MAML2: variants seen among roughly 807,000 people sequenced by gnomAD.
MAML2 encodes the protein mastermind-like protein 2.
A neutral mutation model predicts 96.1 loss-of-function variants in MAML2; 22 were observed. That is an observed-to-expected ratio of 0.23 (90% CI 0.16 to 0.33). The LOEUF is 0.33. Among genes scored for constraint, MAML2 ranks in the 10% least tolerant of loss-of-function variants. MAML2 has a pLI of 1.00. For synonymous variants in MAML2, 561 were observed against 521.3 expected (o/e 1.08, Z -1.04); for missense variants, 1,367 against 1,392.4 (o/e 0.98, Z 0.29).
At chr11:96,269,132 A>G (rs1862874592) in intron 1 of MAML2, among the ~76,000 whole-genome samples, 1 of 144,942 alleles carries the variant, frequency 6.9e-6, no homozygotes, top group African/African-American at 2.6e-5. Flanking sequence ...GGAATCAAAT[A>G]TGCACAGACT....
chr11:96,047,588 T>C (rs1404357809), intron 2 of MAML2, among the ~76,000 whole-genome samples: 2 of 151,968 alleles, frequency 1.3e-5, no homozygotes, highest in Non-Finnish European at 2.9e-5. Flanking sequence ...ATAATCTCCA[T>C]CAAGTATTAG....
intron 1 of MAML2, among the ~76,000 whole-genome samples, chr11:96,207,814 C>T (rs1477049539): frequency 1.3e-5 from 2 of 152,234 alleles, no homozygotes; most frequent in Non-Finnish European, 2.9e-5. Context: ...CAAGGCTTTA[C>T]TGTTTTTAAG....
rs371672772 is a variant in MAML2, at chr11:96,077,219, C to CTTTTTTTTT, written c.2139+14664_2139+14672dup. On this transcript the variant is annotated intron_variant, in intron 2 of 4. Coordinates refer to ENST00000524717, the MANE Select transcript of MAML2 (RefSeq NM_032427.4). Reference sequence around the variant, plus strand: ...GACTTTTTACCCCAACTCTCTCTCTCTTTTTTTTTTTTTTTTTTTTAAAGA... The same window carrying CTTTTTTTTT: ...GACTTTTTACCCCAACTCTCTCTCTCTTTTTTTTTTTTTTTTTTTTTTTTTTTTTAAAGA... 2.8e-3 allele frequency among the ~76,000 whole-genome samples: 266 copies of CTTTTTTTTT among 94,122 alleles called. 11 individuals carry two copies. Among genetic ancestry groups the CTTTTTTTTT allele is most frequent in the African/African-American group, 0.011 (245 of 22,830 alleles). The allele number at this position is 94,122 out of a possible 152,430, so 61.7% of individuals were successfully genotyped here.
At chr11:96,017,328 C>T (rs1014425639) in intron 2 of MAML2, among the ~76,000 whole-genome samples, 5 of 152,106 alleles carry the variant, frequency 3.3e-5, no homozygotes, top group Admixed American at 2.6e-4. Flanking sequence ...TCTTAAAAAC[C>T]AAAGCACACT....
chr11:96,223,258 C>A (rs1013939092), intron 1 of MAML2, among the ~76,000 whole-genome samples: 2 of 152,096 alleles, frequency 1.3e-5, no homozygotes, highest in African/African-American at 4.8e-5. Context: ...TTTTATTACT[C>A]ATGGAAACAT....
intron 1 of MAML2, among the ~76,000 whole-genome samples, chr11:96,156,041 A>G (rs1861006457): frequency 6.6e-6 from 1 of 152,110 alleles, no homozygotes; most frequent in Non-Finnish European, 1.5e-5. Flanking sequence ...ACTGGTTCCT[A>G]TTTCCAGCTC....
intron 1 of MAML2, among the ~76,000 whole-genome samples, chr11:96,304,013 T>G (rs1053815384): frequency 6.6e-6 from 1 of 152,216 alleles, no homozygotes; most frequent in Non-Finnish European, 1.5e-5. Context: ...AGAGTGGCCC[T>G]CAATCTTTAT....
chr11:96,286,799 T>C (rs567541205), intron 1 of MAML2, among the ~76,000 whole-genome samples: 1 of 152,254 alleles, frequency 6.6e-6, no homozygotes, highest in African/African-American at 2.4e-5. Context: ...CATATAAGCT[T>C]CCTCATCTAA....
intron 1 of MAML2, among the ~76,000 whole-genome samples, chr11:96,135,607 TAACTGAATGAAACAA>T (rs1357157106): frequency 6.6e-6 from 1 of 151,198 alleles, no homozygotes. Flanking sequence ...TGGAAATAGA[TAACTGAATGAAACAA>T]AACTGAATAA....
chr11:96,252,028 A>G (rs966906298), intron 1 of MAML2, among the ~76,000 whole-genome samples: 63 of 152,202 alleles, frequency 4.1e-4, no homozygotes, highest in African/African-American at 1.5e-3. Flanking sequence ...CACCGCGCCC[A>G]GTCAATACAA....
intron 2 of MAML2, among the ~76,000 whole-genome samples, chr11:96,034,585 T>C (rs1419696549): frequency 2.0e-5 from 3 of 152,244 alleles, no homozygotes; most frequent in African/African-American, 7.2e-5. Flanking sequence ...CAAAAAAATT[T>C]TGTGGAAGTA....
intron 1 of MAML2, among the ~76,000 whole-genome samples, chr11:96,121,839 T>G (rs1860349280): frequency 7.6e-6 from 1 of 132,066 alleles, no homozygotes; most frequent in Non-Finnish European, 1.6e-5. Flanking sequence ...CAGGCTGGGG[T>G]GCAGTGGCGC....
At chr11:96,211,671 T>G (rs1404900362) in intron 1 of MAML2, among the ~76,000 whole-genome samples, 1 of 152,132 alleles carries the variant, frequency 6.6e-6, no homozygotes. Context: ...TGTGACAAGT[T>G]TATTGTAAAT....
At chr11:96,148,802 T>C (rs762382333) in intron 1 of MAML2, among the ~76,000 whole-genome samples, 1 of 151,930 alleles carries the variant, frequency 6.6e-6, no homozygotes, top group Non-Finnish European at 1.5e-5. Context: ...GATTAGATGA[T>C]CTCATAAAGT....
intron 2 of MAML2, among the ~76,000 whole-genome samples, chr11:96,019,222 C>T (rs979084300): frequency 2.0e-5 from 3 of 151,812 alleles, no homozygotes; most frequent in Non-Finnish European, 4.4e-5. Flanking sequence ...ATTTTTTCTG[C>T]TTTATAATAT....
At chr11:96,288,542 CAAAAA>C (rs60166307) in intron 1 of MAML2, among the ~76,000 whole-genome samples, 2 of 83,976 alleles carry the variant, frequency 2.4e-5, no homozygotes, top group South Asian at 7.5e-4. Context: ...GACTCTGTCT[CAAAAA>C]AAAAAAAAAA....
At chr11:96,247,039 A>G (rs1390798587) in intron 1 of MAML2, among the ~76,000 whole-genome samples, 3 of 152,124 alleles carry the variant, frequency 2.0e-5, no homozygotes, top group South Asian at 4.1e-4. Flanking sequence ...TCCTCCTTAC[A>G]TAAGGACCTT....
At chr11:96,121,614 A>G (rs902645661) in intron 1 of MAML2, among the ~76,000 whole-genome samples, 2 of 151,904 alleles carry the variant, frequency 1.3e-5, no homozygotes, top group Non-Finnish European at 2.9e-5. Context: ...CAGTATTAAT[A>G]TAAAATTGTT....
At chr11:96,300,823 G>A (rs1191682715) in intron 1 of MAML2, among the ~76,000 whole-genome samples, 4 of 152,214 alleles carry the variant, frequency 2.6e-5, no homozygotes, top group Admixed American at 2.0e-4. Context: ...GTAAAGGCCA[G>A]GATGGTGGTA....
Sources: allele counts gnomAD v4.1 joint callset (sites outside exome capture counted in the v4.1 genomes callset), GRCh38; gene constraint gnomAD v4.1.1; transcripts MANE v1.5; gene names NCBI Gene and HGNC (gene_info 2026-07-23, HGNC 2026-07-21).